The following KIAA1217 variants were observed in gnomAD, a reference collection of about 807,000 sequenced individuals.
The protein encoded by KIAA1217 is sickle tail protein homolog.
Under a neutral mutation model 163.9 loss-of-function variants are expected in KIAA1217, and 88 were observed. The ratio of observed to expected loss-of-function variants is 0.54; its 90% CI spans 0.45 to 0.64. The LOEUF is 0.64. KIAA1217 is among the 30% of genes least tolerant of loss of function. KIAA1217 has a pLI of 0.00. For missense variants in KIAA1217, 2,372 were observed against 2,475.0 expected, an observed-to-expected ratio of 0.96 and a Z score of 0.88; for synonymous variants, 903 against 923.1, an observed-to-expected ratio of 0.98 and a Z score of 0.39.
At chr10:24,354,042 A>C (rs548392236) in intron 2 of KIAA1217, among the ~76,000 whole-genome samples, 1 of 152,342 alleles carries the variant, frequency 6.6e-6, no homozygotes, top group East Asian at 1.9e-4. Context: ...GTTAAAAATA[A>C]TAACTTGTCA....
At chr10:23,955,484 C>A (rs895224704) in intron 1 of KIAA1217, among the ~76,000 whole-genome samples, 4 of 152,180 alleles carry the variant, frequency 2.6e-5, no homozygotes, top group African/African-American at 9.7e-5. Context: ...TTCCATCTCA[C>A]CCTTATATTG....
At chr10:24,445,159 C>T (rs1200709084) in intron 5 of KIAA1217, among the ~76,000 whole-genome samples, 2 of 152,112 alleles carry the variant, frequency 1.3e-5, no homozygotes, top group South Asian at 2.1e-4. Flanking sequence ...ATACTGACTT[C>T]GTTTTCACAG....
intron 3 of KIAA1217, among the ~76,000 whole-genome samples, chr10:24,388,953 G>A (rs1031198133): frequency 1.3e-5 from 2 of 151,132 alleles, no homozygotes; most frequent in African/African-American, 2.5e-5. Context: ...TTACACTGTT[G>A]GTGGGACTGT....
At position 24,428,096 on chromosome 10, in the gene KIAA1217, G is replaced by A. The variant is rs141310482; in HGVS notation, c.554-4899G>A. Among the ~76,000 whole-genome samples, 1,253 of 152,142 alleles carry A rather than the reference G, an allele frequency of 8.2e-3. 19 individuals are homozygous for A. Among genetic ancestry groups the A allele is most frequent in the African/African-American group, 0.029 (1,186 of 41,482 alleles). ...ACTACAAATTCTATTTCAAGCACAC[G>A]CATGTACAGAATGCAGATGTGGGGA... On this transcript the variant is annotated intron_variant, in intron 3 of 20. Transcript: ENST00000376454.
intron 1 of KIAA1217, among the ~76,000 whole-genome samples, chr10:23,985,191 A>G (rs1845921335): frequency 6.6e-6 from 1 of 152,320 alleles, no homozygotes; most frequent in Admixed American, 6.5e-5. Flanking sequence ...GCTTGTCCTG[A>G]GCTTGTATAT....
intron 1 of KIAA1217, among the ~76,000 whole-genome samples, chr10:23,916,851 A>G (rs1842650015): frequency 6.6e-6 from 1 of 151,554 alleles, no homozygotes; most frequent in Non-Finnish European, 1.5e-5. Flanking sequence ...GTGTGCCTGT[A>G]ATTCCAGCTA....
chr10:24,203,184 CAAAAAAA>C (rs5783879), intron 2 of KIAA1217, among the ~76,000 whole-genome samples: 1 of 132,232 alleles, frequency 7.6e-6, no homozygotes, highest in Admixed American at 7.7e-5. Flanking sequence ...AAAAACTTGT[CAAAAAAA>C]AAAAAAAGAA....
rs1052398873 is a variant in KIAA1217 at position 24,074,942 on chromosome 10, G to A, written c.-171+67568G>A. On this transcript the variant is annotated intron_variant, in intron 2 of 18. Coordinates refer to the KIAA1217 transcript ENST00000376462. ...TTGAACTCCTGAGCTCAGGCAATCCGCCTGCCTTGGTCTCCAAAAGTGCTG... is the reference window on the plus strand; with the variant it reads ...TTGAACTCCTGAGCTCAGGCAATCCACCTGCCTTGGTCTCCAAAAGTGCTG... Among the ~76,000 whole-genome samples the A allele has an allele frequency of 4.0e-5, 6 of 151,792 alleles. 1 individual carries two copies. Among genetic ancestry groups the A allele is most frequent in the South Asian group, 4.2e-4 (2 of 4,814 alleles).
rs1564541642 is a variant in KIAA1217 at position 24,363,556 on chromosome 10, G to GGTTTT, written c.355-17313_355-17312insGTTTT. Among the ~76,000 whole-genome samples the GGTTTT allele has an allele frequency of 1.1e-4, 9 of 78,438 alleles. 1 individual carries two copies. Among genetic ancestry groups the GGTTTT allele is most frequent in the Non-Finnish European group, 9.2e-5 (3 of 32,614 alleles). 51.5% of individuals were successfully genotyped at this position (78,438 alleles called of 152,430 possible). On this transcript the variant is annotated intron_variant, in intron 2 of 20. Coordinates refer to ENST00000376454, the MANE Select transcript of KIAA1217 (RefSeq NM_019590.5). ...GTAACATTCCTTTAGTTTTTTGTGGGTTTTGTTTTTGTTTTTTTTTTTTTT... is the reference window on the plus strand; with the variant it reads ...GTAACATTCCTTTAGTTTTTTGTGGGGTTTTTTTTGTTTTTGTTTTTTTTTTTTTT...
At chr10:24,431,571 T>G (rs2059608191) in intron 3 of KIAA1217, among the ~76,000 whole-genome samples, 1 of 151,938 alleles carries the variant, frequency 6.6e-6, no homozygotes, top group African/African-American at 2.4e-5. Flanking sequence ...TTAGATGGGG[T>G]GGTTCTTCAG....
intron 1 of KIAA1217, among the ~76,000 whole-genome samples, chr10:23,953,918 T>C (rs1267921771): frequency 6.6e-6 from 1 of 152,356 alleles, no homozygotes; most frequent in South Asian, 2.1e-4. Flanking sequence ...TTACCTTTTT[T>C]CCCACAATTA....
intron 2 of KIAA1217, among the ~76,000 whole-genome samples, chr10:24,196,738 G>T (rs2067007917): frequency 1.3e-5 from 2 of 152,164 alleles, no homozygotes; most frequent in African/African-American, 4.8e-5. Context: ...AAATACATAG[G>T]AAGGTGAAGG....
chr10:24,132,731 T>C (rs549127460), intron 2 of KIAA1217, among the ~76,000 whole-genome samples: 32 of 152,302 alleles, frequency 2.1e-4, no homozygotes, highest in African/African-American at 7.0e-4. Flanking sequence ...AGAGGATATA[T>C]GGCCCCCAAG....
intron 17 of KIAA1217, 71 bp from the exon 18 acceptor site, chr10:24,542,622 A>G: frequency 3.8e-6 from 6 of 1,585,804 alleles, no homozygotes; most frequent in South Asian, 1.1e-5. Flanking sequence ...TAAAGGAACG[A>G]TTTAGTTATA....
At chr10:23,818,400 T>C (rs988709185) in intron 1 of KIAA1217, among the ~76,000 whole-genome samples, 6 of 146,608 alleles carry the variant, frequency 4.1e-5, no homozygotes, top group Non-Finnish European at 8.9e-5. Flanking sequence ...AACAACTAAC[T>C]GGGAAGGGCT....
intron 2 of KIAA1217, among the ~76,000 whole-genome samples, chr10:24,106,621 A>T (rs2062640833): frequency 6.6e-6 from 1 of 152,110 alleles, no homozygotes. Context: ...TTGGAATCTC[A>T]GTTACCTACA....
At position 24,330,689 on chromosome 10, in the gene KIAA1217, C is replaced by T. The variant is rs145338225; in HGVS notation, c.355-50180C>T. ...ACAGCACAGTGGTGTGATCATGGCTCACTGTAACCTCCTCCTACCAAGCTC... is the reference window on the plus strand; with the variant it reads ...ACAGCACAGTGGTGTGATCATGGCTTACTGTAACCTCCTCCTACCAAGCTC... On this transcript the variant is annotated intron_variant, in intron 2 of 20. Transcript: ENST00000376454. 1.9e-4 allele frequency among the ~76,000 whole-genome samples: 29 copies of T among 152,206 alleles called. No individual in the cohort carries two copies. In the East Asian group the frequency reaches 4.6e-3, roughly 24 times the overall value.
chr10:23,846,381 A>G (rs944062753), intron 1 of KIAA1217, among the ~76,000 whole-genome samples: 4 of 152,172 alleles, frequency 2.6e-5, no homozygotes, highest in African/African-American at 7.2e-5. Flanking sequence ...ATGTTTTTCC[A>G]TATGTTTGCG....
intron 2 of KIAA1217, among the ~76,000 whole-genome samples, chr10:24,068,630 C>T (rs2061064408): frequency 2.0e-5 from 3 of 152,198 alleles, no homozygotes. Flanking sequence ...GACATCAACC[C>T]AGCTAAAACC....
Sources: gnomAD v4.1 joint callset for allele counts (sites outside exome capture counted in the v4.1 genomes callset) on GRCh38, gnomAD v4.1.1 for gene constraint, MANE v1.5 for transcripts, NCBI Gene and HGNC (gene_info 2026-07-23, HGNC 2026-07-21) for gene names.